The following SORCS2 variants were observed in gnomAD, a reference collection of about 807,000 sequenced individuals.
The protein encoded by SORCS2 is sortilin related VPS10 domain containing receptor 2.
A neutral mutation model predicts 141.6 loss-of-function variants in SORCS2; 100 were observed. That is an observed-to-expected ratio of 0.71 (90% CI 0.60 to 0.83). The LOEUF is 0.83. Among genes scored for constraint, SORCS2 ranks in the 40% least tolerant of loss-of-function variants. SORCS2 has a pLI of 0.00. For missense variants in SORCS2, 1,646 were observed against 1,560.2 expected, an observed-to-expected ratio of 1.05 and a Z score of -0.93; for synonymous variants, 789 against 676.9, an observed-to-expected ratio of 1.17 and a Z score of -2.57.
intron 2 of SORCS2, among the ~76,000 whole-genome samples, chr4:7,484,724 A>G (rs1246728793): frequency 6.6e-6 from 1 of 152,124 alleles, no homozygotes; most frequent in Non-Finnish European, 1.5e-5. Flanking sequence ...GGCATTTACA[A>G]GTTAAACGAC....
chr4:7,264,291 G>C (rs1478641564), intron 1 of SORCS2, among the ~76,000 whole-genome samples: 1 of 152,226 alleles, frequency 6.6e-6, no homozygotes, highest in Admixed American at 6.5e-5. Context: ...CCCATGTCCC[G>C]CACCTCCCTC....
intron 2 of SORCS2, among the ~76,000 whole-genome samples, chr4:7,528,063 C>A (rs1281614841): frequency 6.9e-6 from 1 of 145,310 alleles, no homozygotes; most frequent in African/African-American, 2.8e-5. Flanking sequence ...GTCTCTCTCT[C>A]CCCCCAACAC....
At chr4:7,602,074 A>G (rs1234736606) in intron 3 of SORCS2, among the ~76,000 whole-genome samples, 1 of 152,238 alleles carries the variant, frequency 6.6e-6, no homozygotes. Context: ...ACTTCTTTCT[A>G]CACAGACACA....
At chr4:7,720,287 A>T (rs571228172) in intron 18 of SORCS2, among the ~76,000 whole-genome samples, 1 of 152,308 alleles carries the variant, frequency 6.6e-6, no homozygotes, top group Non-Finnish European at 1.5e-5. Context: ...TCGGTGCCAA[A>T]ACAACTCACT....
At chr4:7,435,636 C>T (rs148474997) in intron 2 of SORCS2, among the ~76,000 whole-genome samples, 214 of 152,294 alleles carry the variant, frequency 1.4e-3, no homozygotes, top group Middle Eastern at 3.4e-3. Flanking sequence ...CTGTAGTAGG[C>T]GTAGATTAAA....
At chr4:7,683,501 C>G (rs1399872004) in intron 10 of SORCS2, among the ~76,000 whole-genome samples, 1 of 152,224 alleles carries the variant, frequency 6.6e-6, no homozygotes, top group Non-Finnish European at 1.5e-5. Context: ...GCATCCTTCT[C>G]CTGGAACCAG....
chr4:7,441,064 A>C (rs1292230305), intron 2 of SORCS2, among the ~76,000 whole-genome samples: 3 of 152,120 alleles, frequency 2.0e-5, no homozygotes, highest in Non-Finnish European at 4.4e-5. Context: ...GTGTGAGCTC[A>C]GCACTGGGAT....
chr4:7,452,020 C>T (rs1237010530), intron 2 of SORCS2, among the ~76,000 whole-genome samples: 1 of 152,208 alleles, frequency 6.6e-6, no homozygotes, highest in Non-Finnish European at 1.5e-5. Context: ...CTTCTCTCCC[C>T]AGCTGCCCGG....
At chr4:7,452,288 A>G (rs1417159728) in intron 2 of SORCS2, among the ~76,000 whole-genome samples, 2 of 152,084 alleles carry the variant, frequency 1.3e-5, no homozygotes, top group East Asian at 3.9e-4. Context: ...TTACAGGCAT[A>G]TGCCACCATG....
At chr4:7,508,350 CTTTTTT>C (rs35443053) in intron 2 of SORCS2, among the ~76,000 whole-genome samples, 67 of 69,762 alleles carry the variant, frequency 9.6e-4, no homozygotes, top group African/African-American at 3.0e-3. Flanking sequence ...AGATCTCAGG[CTTTTTT>C]TTTTTTTTTT....
At position 7,664,481 on chromosome 4, in the gene SORCS2, C is replaced by T; in HGVS notation, c.1071+10C>T. 1 of 1,568,626 alleles carries T rather than the reference C, an allele frequency of 6.4e-7. No individual in the cohort carries two copies. The highest frequency in any genetic ancestry group is 8.7e-7 in the Non-Finnish European group (1 of 1,152,782). ...TTACATCTTCTTTAAGGTAAGGTTG[C>T]TTCTGGGGCTTTTGGAAATTGGCAA... On this transcript the variant is annotated intron_variant, in intron 7 of 26. Transcript: ENST00000507866. The surrounding 1 kb of genome is among the most constrained non-coding windows in gnomAD (Gnocchi z 4.7).
intron 2 of SORCS2, among the ~76,000 whole-genome samples, chr4:7,456,479 AG>A (rs372669953): frequency 1.2e-3 from 173 of 148,924 alleles, no homozygotes; most frequent in African/African-American, 2.3e-3. Context: ...GAAGGGTGAG[AG>A]GGGGGGGGCC....
rs1445633783 is a variant in SORCS2 at position 7,322,414 on chromosome 4, C to A, written c.481-73874C>A. ...GCTGCACTTGCTGAGCCTGCTCTCA[C>A]TTTCCCGGGGCCTCATGCACTGGGG... On this transcript the variant is annotated intron_variant, in intron 1 of 26. Transcript: ENST00000507866. Among the ~76,000 whole-genome samples, 3 of 152,238 alleles carry A rather than the reference C, an allele frequency of 2.0e-5. No homozygotes were observed. The East Asian group carries it at 5.8e-4, about 29-fold the overall frequency.
intron 3 of SORCS2, among the ~76,000 whole-genome samples, chr4:7,616,428 C>G (rs1003527485): frequency 1.3e-5 from 2 of 152,018 alleles, no homozygotes; most frequent in African/African-American, 4.8e-5. Context: ...TCCACTTATC[C>G]TCCATCCATC....
At chr4:7,719,330 C>G (rs942041957) in intron 18 of SORCS2, among the ~76,000 whole-genome samples, 2 of 152,238 alleles carry the variant, frequency 1.3e-5, no homozygotes, top group African/African-American at 4.8e-5. Context: ...GTGGCGGGCG[C>G]TGTGCACGAG....
intron 3 of SORCS2, among the ~76,000 whole-genome samples, chr4:7,636,910 G>T (rs1447719739): frequency 6.6e-6 from 1 of 152,074 alleles, no homozygotes; most frequent in Non-Finnish European, 1.5e-5. Flanking sequence ...CCTTCTAGGG[G>T]CTCAGAGGGA....
At chr4:7,231,712 G>C (rs949939927) in intron 1 of SORCS2, among the ~76,000 whole-genome samples, 13 of 152,218 alleles carry the variant, frequency 8.5e-5, no homozygotes, top group African/African-American at 3.1e-4. Context: ...ACAGAGGAGA[G>C]GGTCGTTCTT....
At chr4:7,539,621 C>T (rs907510680) in intron 3 of SORCS2, among the ~76,000 whole-genome samples, 2 of 151,962 alleles carry the variant, frequency 1.3e-5, no homozygotes, top group Middle Eastern at 3.4e-3. Context: ...CACTCTCTTC[C>T]CTCCACTCTG....
At chr4:7,544,514 G>A (rs548378214) in intron 3 of SORCS2, among the ~76,000 whole-genome samples, 6 of 152,318 alleles carry the variant, frequency 3.9e-5, no homozygotes, top group African/African-American at 9.6e-5. Context: ...GGCTCAGGGC[G>A]GCCAGCAGGA....
Sources: allele counts gnomAD v4.1 joint callset (sites outside exome capture counted in the v4.1 genomes callset), GRCh38; gene constraint gnomAD v4.1.1; non-coding constraint Gnocchi (gnomAD v3.1); transcripts MANE v1.5; gene names NCBI Gene and HGNC (gene_info 2026-07-23, HGNC 2026-07-21).